Variants in RCSD1 observed in about 807,000 individuals in gnomAD.
The protein encoded by RCSD1 is RCSD domain containing 1.
RCSD1 carries 26 observed loss-of-function variants against 42.5 expected under a neutral mutation model. That is an observed-to-expected ratio of 0.61 (90% CI 0.45 to 0.85). RCSD1 has a LOEUF of 0.85. Among genes scored for constraint, RCSD1 ranks in the 40% least tolerant of loss-of-function variants. The pLI is 0.00. For missense variants in RCSD1, 571 were observed against 528.3 expected (o/e 1.08, Z -0.79); for synonymous variants, 220 against 212.2 (o/e 1.04, Z -0.32).
At chr1:167,644,236 T>G (rs954183181) in intron 1 of RCSD1, among the ~76,000 whole-genome samples, 1 of 152,118 alleles carries the variant, frequency 6.6e-6, no homozygotes, top group African/African-American at 2.4e-5. Flanking sequence ...TTTCAGCACT[T>G]TGGGAGGCCG....
intron 6 of RCSD1, among the ~76,000 whole-genome samples, chr1:167,704,334 G>A (rs1159056254): frequency 6.6e-6 from 1 of 152,060 alleles, no homozygotes; most frequent in Non-Finnish European, 1.5e-5. Flanking sequence ...ACTTAGTACT[G>A]GACAACTCAA....
intron 1 of RCSD1, among the ~76,000 whole-genome samples, chr1:167,674,352 A>G (rs1344295551): frequency 6.6e-6 from 1 of 152,212 alleles, no homozygotes; most frequent in Non-Finnish European, 1.5e-5. Flanking sequence ...GGTGCTGAGC[A>G]TGAGGGAAGG....
intron 1 of RCSD1, among the ~76,000 whole-genome samples, chr1:167,653,877 C>T (rs893837290): frequency 2.0e-5 from 3 of 152,148 alleles, no homozygotes; most frequent in Non-Finnish European, 4.4e-5. Context: ...TCTGCAGACA[C>T]AGAGGCAGGA....
At chr1:167,669,896 G>A (rs1244854557) in intron 1 of RCSD1, among the ~76,000 whole-genome samples, 1 of 152,166 alleles carries the variant, frequency 6.6e-6, no homozygotes, top group Non-Finnish European at 1.5e-5. Context: ...CAGACCGGGG[G>A]CTGGGTCCTT....
chr1:167,673,044 G>T (rs1396597143), intron 1 of RCSD1, among the ~76,000 whole-genome samples: 5 of 152,154 alleles, frequency 3.3e-5, no homozygotes, highest in Non-Finnish European at 5.9e-5. Flanking sequence ...CATGTGATCT[G>T]ACACTCAGGA....
intron 1 of RCSD1, among the ~76,000 whole-genome samples, chr1:167,680,192 G>A (rs1659045456): frequency 6.6e-6 from 1 of 152,042 alleles, no homozygotes; most frequent in Non-Finnish European, 1.5e-5. Flanking sequence ...GGCACAAAGG[G>A]AGATGAGTGC....
intron 1 of RCSD1, among the ~76,000 whole-genome samples, chr1:167,665,334 C>T (rs1558081444): frequency 2.0e-5 from 3 of 149,052 alleles, no homozygotes; most frequent in Admixed American, 6.6e-5. Context: ...CCATAATGTA[C>T]GTATAACACA....
intron 1 of RCSD1, among the ~76,000 whole-genome samples, chr1:167,637,547 A>T (rs1657889809): frequency 6.6e-6 from 1 of 152,164 alleles, no homozygotes; most frequent in South Asian, 2.1e-4. Flanking sequence ...GGTGCAGAAC[A>T]CACAGGAGAC....
At chr1:167,701,921 C>G (rs55736016) in intron 6 of RCSD1, among the ~76,000 whole-genome samples, 6,703 of 152,230 alleles carry the variant, frequency 0.044, 197 homozygotes, top group Middle Eastern at 0.13. Context: ...CATGTCTGTC[C>G]CAGGTCTTTC....
At chr1:167,645,072 T>C (rs1027121247) in intron 1 of RCSD1, among the ~76,000 whole-genome samples, 10 of 151,926 alleles carry the variant, frequency 6.6e-5, no homozygotes, top group Admixed American at 5.9e-4. Flanking sequence ...CCCTGATTAT[T>C]AAACATTTTT....
At chr1:167,670,667 G>A (rs181105139) in intron 1 of RCSD1, among the ~76,000 whole-genome samples, 3 of 152,140 alleles carry the variant, frequency 2.0e-5, no homozygotes, top group East Asian at 1.9e-4. Flanking sequence ...AGGGTCTGCC[G>A]TGGGCCCTCC....
intron 1 of RCSD1, among the ~76,000 whole-genome samples, chr1:167,654,042 T>C (rs1658368212): frequency 6.6e-6 from 1 of 152,184 alleles, no homozygotes; most frequent in Non-Finnish European, 1.5e-5. Context: ...TTCTACAGCA[T>C]ACGGATCATA....
chr1:167,646,359 A>T (rs1486569097), intron 1 of RCSD1, among the ~76,000 whole-genome samples: 1 of 151,674 alleles, frequency 6.6e-6, no homozygotes, highest in Non-Finnish European at 1.5e-5. Context: ...AGCTCGGGAC[A>T]GCCCTCACAT....
rs1659517944 is a variant in RCSD1, at chr1:167,697,218, TAAGG to T, written c.598_601del (p.Glu200ArgfsTer28). 6.2e-7 allele frequency: 1 copy of T among 1,614,098 alleles called. No individual in the cohort carries two copies. The highest frequency in any genetic ancestry group is 8.5e-7 in the Non-Finnish European group (1 of 1,180,018). ...TGGAGTCATCTCAGCAGAACGGTGC[TAAGG>T]AAGAGGATGGGGATGAAGTGTTGCC... On this transcript the variant is annotated frameshift_variant, in exon 6 of 7. Coordinates refer to ENST00000367854, the MANE Select transcript of RCSD1 (RefSeq NM_052862.4). LOFTEE classifies it high-confidence loss of function.
intron 3 of RCSD1, among the ~76,000 whole-genome samples, chr1:167,688,283 G>T (rs1659286310): frequency 6.6e-6 from 1 of 152,170 alleles, no homozygotes; most frequent in South Asian, 2.1e-4. Flanking sequence ...GGGAAGAGAA[G>T]AACTAATAAT....
At chr1:167,644,549 G>A (rs1013199421) in intron 1 of RCSD1, among the ~76,000 whole-genome samples, 4 of 151,992 alleles carry the variant, frequency 2.6e-5, no homozygotes, top group Non-Finnish European at 4.4e-5. Flanking sequence ...TTCAAAGAAA[G>A]GGAGGGAAGG....
intron 1 of RCSD1, among the ~76,000 whole-genome samples, chr1:167,631,200 G>A (rs892973956): frequency 3.9e-5 from 6 of 152,220 alleles, no homozygotes; most frequent in Non-Finnish European, 8.8e-5. Context: ...CCTCAGCAGA[G>A]GAGTGGTTGG....
chr1:167,675,235 AT>A (rs1658915397), intron 1 of RCSD1, among the ~76,000 whole-genome samples: 1 of 148,456 alleles, frequency 6.7e-6, no homozygotes, highest in Non-Finnish European at 1.5e-5. Flanking sequence ...AAAAAAAAGC[AT>A]ACCCAAGACT....
chr1:167,648,667 A>C (rs770697649), intron 1 of RCSD1, among the ~76,000 whole-genome samples: 1 of 151,828 alleles, frequency 6.6e-6, no homozygotes, highest in Non-Finnish European at 1.5e-5. Flanking sequence ...GAGCAGCTGC[A>C]GATAGGGGGA....
Sources: gnomAD v4.1 joint callset for allele counts (sites outside exome capture counted in the v4.1 genomes callset) on GRCh38, gnomAD v4.1.1 for gene constraint, MANE v1.5 for transcripts, NCBI Gene and HGNC (gene_info 2026-07-23, HGNC 2026-07-21) for gene names.